The following CSMD3 variants were observed in gnomAD, a reference collection of about 807,000 sequenced individuals.
CSMD3 encodes the protein CUB and Sushi multiple domains 3, also known as CUB and sushi domain-containing protein 3.
A neutral mutation model predicts 435.2 loss-of-function variants in CSMD3; 177 were observed. That is an observed-to-expected ratio of 0.41 (90% confidence interval 0.36 to 0.46). The LOEUF is 0.46. Among genes scored for constraint, CSMD3 ranks in the 20% least tolerant of loss-of-function variants. The probability of loss-of-function intolerance (pLI) is 0.34; values close to 1 mark genes in which losing one functional copy is unlikely to be tolerated. For synonymous variants in CSMD3, 1,656 were observed against 1,520.5 expected (o/e 1.09, Z -2.07); for missense variants, 4,265 against 4,504.6 (o/e 0.95, Z 1.52).
At chr8:113,026,534 T>C (rs980657403) in intron 5 of CSMD3, among the ~76,000 whole-genome samples, 3 of 152,224 alleles carry the variant, frequency 2.0e-5, no homozygotes, top group Admixed American at 6.5e-5. Flanking sequence ...AAGTTTTCTA[T>C]GTTTCCTATT....
intron 7 of CSMD3, among the ~76,000 whole-genome samples, chr8:112,964,447 A>G (rs2084344130): frequency 6.6e-6 from 1 of 152,108 alleles, no homozygotes; most frequent in Admixed American, 6.6e-5. Flanking sequence ...GAATGAAGAC[A>G]TCAACTATCT....
intron 6 of CSMD3, among the ~76,000 whole-genome samples, chr8:112,982,185 C>T (rs147219988): frequency 2.0e-5 from 3 of 151,776 alleles, no homozygotes; most frequent in East Asian, 1.9e-4. Context: ...TCATAGGTGT[C>T]ATTTTTAAAT....
intron 6 of CSMD3, among the ~76,000 whole-genome samples, chr8:113,018,080 T>C (rs1242916876): frequency 6.6e-6 from 1 of 152,068 alleles, no homozygotes; most frequent in Non-Finnish European, 1.5e-5. Flanking sequence ...TTTAAGTTAC[T>C]TTCCTAAGAA....
Position 112,289,396 on chromosome 8 carries a change from G to A in CSMD3, c.9117C>T (p.Gly3039=), listed in dbSNP as rs778615749. 3.1e-6 allele frequency: 5 copies of A among 1,613,030 alleles called. No homozygotes were observed. In the African/African-American group the frequency reaches 6.7e-5, roughly 22 times the overall value. ...AATGAGGTTGTGATCCACTCCAATG[G>A]CCATTCAATTGGCAGGTTCTTGATG... ...GQSSRTCQLN[G]HWSGSQPHCS... is the part of the protein sequence containing the mutation. Residue 3039 remains glycine (G), a synonymous_variant, in exon 57 of 71, where the codon GGC becomes GGT. Transcript: ENST00000297405.
intron 22 of CSMD3, among the ~76,000 whole-genome samples, chr8:112,601,471 C>G (rs895868617): frequency 2.6e-5 from 4 of 152,146 alleles, no homozygotes; most frequent in Non-Finnish European, 4.4e-5. Context: ...AATCAAGGAA[C>G]TTCACTTTCT....
At chr8:113,017,447 T>C (rs1355356789) in intron 6 of CSMD3, among the ~76,000 whole-genome samples, 2 of 151,940 alleles carry the variant, frequency 1.3e-5, no homozygotes, top group South Asian at 4.1e-4. Flanking sequence ...GAGATCTATT[T>C]TTTTGCTCCA....
At chr8:113,284,995 A>T (rs753040824) in intron 2 of CSMD3, among the ~76,000 whole-genome samples, 3 of 152,166 alleles carry the variant, frequency 2.0e-5, no homozygotes, top group Non-Finnish European at 4.4e-5. Context: ...GAGCAAAGAT[A>T]AAAACAGTAA....
At chr8:112,800,365 C>G in intron 12 of CSMD3, 91 bp from the exon 13 acceptor site, 2 of 887,430 alleles carry the variant, frequency 2.3e-6, no homozygotes, top group Admixed American at 1.8e-5. Flanking sequence ...TCAATACTTT[C>G]TTTGCTAGAA....
chr8:112,901,525 C>A (rs950883458), intron 10 of CSMD3, among the ~76,000 whole-genome samples: 16 of 151,402 alleles, frequency 1.1e-4, no homozygotes, highest in Admixed American at 9.9e-4. Flanking sequence ...TTCTTGAAAT[C>A]CGCCATTGTA....
intron 27 of CSMD3, among the ~76,000 whole-genome samples, chr8:112,531,910 G>A (rs952684838): frequency 3.3e-5 from 5 of 152,154 alleles, no homozygotes; most frequent in Middle Eastern, 3.4e-3. Context: ...TGGAGTGCCC[G>A]AGATATGCAA....
chr8:113,327,260 A>G (rs920083230), intron 1 of CSMD3, among the ~76,000 whole-genome samples: 1 of 152,206 alleles, frequency 6.6e-6, no homozygotes, highest in Non-Finnish European at 1.5e-5. Context: ...TAGTGATAAC[A>G]TATTACTTTT....
intron 3 of CSMD3, among the ~76,000 whole-genome samples, chr8:113,174,524 T>C (rs2092318340): frequency 6.6e-6 from 1 of 152,006 alleles, no homozygotes; most frequent in South Asian, 2.1e-4. Context: ...ATTAGATCAA[T>C]AGGCAAAATA....
intron 32 of CSMD3, among the ~76,000 whole-genome samples, chr8:112,429,259 G>A (rs982968079): frequency 3.3e-5 from 5 of 151,662 alleles, no homozygotes; most frequent in Non-Finnish European, 7.4e-5. Context: ...TGAAATTGAC[G>A]TTTTTAGATC....
chr8:112,270,361 T>TGTGTGTGTGTGTGTGTGTGAGGGGTGA (rs1817387687), intron 59 of CSMD3, among the ~76,000 whole-genome samples: 1 of 135,630 alleles, frequency 7.4e-6, no homozygotes, highest in East Asian at 2.0e-4. Flanking sequence ...TGTGTGTGTG[T>TGTGTGTGTGTGTGTGTGTGAGGGGTGA]GTGTGTGTGT....
chr8:113,250,816 A>T (rs2093328039), intron 3 of CSMD3, among the ~76,000 whole-genome samples: 1 of 152,140 alleles, frequency 6.6e-6, no homozygotes, highest in African/African-American at 2.4e-5. Context: ...AAACCAATAG[A>T]AGAGTGACTG....
chr8:113,400,446 T>TA (rs1316965742), intron 1 of CSMD3, among the ~76,000 whole-genome samples: 2 of 152,100 alleles, frequency 1.3e-5, no homozygotes, highest in South Asian at 2.1e-4. Flanking sequence ...TGCACTAATC[T>TA]AAAAAATGGA....
At chr8:113,405,889 G>A (rs1181951123) in intron 1 of CSMD3, among the ~76,000 whole-genome samples, 1 of 151,678 alleles carries the variant, frequency 6.6e-6, no homozygotes, top group Non-Finnish European at 1.5e-5. Context: ...ATGATTAAAA[G>A]GAACTTGAAG....
At chr8:112,977,646 A>T (rs1359374064) in intron 6 of CSMD3, among the ~76,000 whole-genome samples, 1 of 152,034 alleles carries the variant, frequency 6.6e-6, no homozygotes, top group Non-Finnish European at 1.5e-5. Context: ...TCTGAATTTG[A>T]TTCTAGAAAT....
Position 113,346,626 on chromosome 8 carries a change from G to A in CSMD3, c.179-31833C>T, listed in dbSNP as rs200297517. On this transcript the variant is annotated intron_variant, in intron 1 of 70. Transcript: ENST00000297405. ...TGTATAGTTATGACTTTTGATCTCT[G>A]TATCTTTACCCTGCCTGTTTAGAAT... Among the ~76,000 whole-genome samples, 24 of 152,074 alleles carry A rather than the reference G, an allele frequency of 1.6e-4. No homozygotes were observed. In the East Asian group the frequency reaches 3.9e-3, roughly 25 times the overall value.
Sources: gnomAD v4.1 joint callset for allele counts (sites outside exome capture counted in the v4.1 genomes callset) on GRCh38, gnomAD v4.1.1 for gene constraint, MANE v1.5 for transcripts, NCBI Gene and HGNC (gene_info 2026-07-23, HGNC 2026-07-21) for gene names.